The following STAG1 variants were observed in gnomAD, a reference collection of about 807,000 sequenced individuals.
STAG1 encodes the protein STAG1 cohesin complex component.
In STAG1, 26 loss-of-function variants were observed where a neutral mutation model predicts 170.9. The observed-to-expected ratio is 0.15, with a 90% confidence interval of 0.11 to 0.21. STAG1 has a LOEUF of 0.21. STAG1 is among the 10% of genes least tolerant of loss of function. STAG1 has a pLI of 1.00. For missense variants in STAG1, 964 were observed against 1,509.5 expected, an observed-to-expected ratio of 0.64 and a Z score of 5.99; for synonymous variants, 514 against 497.7, an observed-to-expected ratio of 1.03 and a Z score of -0.44.
chr3:136,629,946 G>A (rs899791558), intron 2 of STAG1, among the ~76,000 whole-genome samples: 3 of 151,858 alleles, frequency 2.0e-5, no homozygotes, highest in Non-Finnish European at 4.4e-5. Context: ...ATGTAATCCC[G>A]GCACTTTGGG....
intron 1 of STAG1, among the ~76,000 whole-genome samples, chr3:136,651,951 T>G (rs1941232890): frequency 6.6e-6 from 1 of 152,052 alleles, no homozygotes; most frequent in Non-Finnish European, 1.5e-5. Context: ...TGAAGTCAGG[T>G]GAGTGATTCA....
At chr3:136,561,420 G>A (rs1936836469) in intron 5 of STAG1, among the ~76,000 whole-genome samples, 1 of 152,166 alleles carries the variant, frequency 6.6e-6, no homozygotes, top group South Asian at 2.1e-4. Flanking sequence ...TGATGCACTG[G>A]AAATTTATCC....
At chr3:136,506,101 G>T (rs757353320) in intron 7 of STAG1, among the ~76,000 whole-genome samples, 3 of 152,220 alleles carry the variant, frequency 2.0e-5, no homozygotes, top group African/African-American at 7.2e-5. Flanking sequence ...AGAATGTGGA[G>T]TGATGTGAAA....
At chr3:136,605,864 A>C (rs1938906242) in intron 3 of STAG1, among the ~76,000 whole-genome samples, 1 of 152,180 alleles carries the variant, frequency 6.6e-6, no homozygotes, top group African/African-American at 2.4e-5. Flanking sequence ...CATAGCTTGG[A>C]GGGGCTTCTT....
intron 1 of STAG1, among the ~76,000 whole-genome samples, chr3:136,711,415 G>C (rs950070988): frequency 6.6e-6 from 1 of 152,044 alleles, no homozygotes; most frequent in Non-Finnish European, 1.5e-5. Context: ...TTAAAAATTA[G>C]CCAGGCATGG....
In STAG1 at chr3:136,398,667, C is replaced by T. The variant is rs141267207; in HGVS notation, c.2277+82G>A. The T allele has an allele frequency of 0.015, 9,094 of 622,686 alleles. 630 individuals are homozygous for T. In the East Asian group the frequency reaches 0.21, roughly 14 times the overall value. The allele number at this position is 622,686 out of a possible 1,614,324, so 38.6% of individuals were successfully genotyped here. A position where few individuals can be genotyped will look rare whatever the true frequency, so the allele number is the denominator to read the frequency against. ...TACAATAATTTATATTATACAATAA[C>T]TGATAATAGTAAATTATTAAATAGT... On this transcript the variant is annotated intron_variant, in intron 22 of 33. Transcript: ENST00000383202.
chr3:136,683,098 T>C (rs554923653), intron 1 of STAG1, among the ~76,000 whole-genome samples: 26 of 152,166 alleles, frequency 1.7e-4, no homozygotes, highest in Non-Finnish European at 3.1e-4. Flanking sequence ...GAATGGAGGA[T>C]TGCCAGGGGC....
Position 136,477,451 on chromosome 3 carries a change from C to T in STAG1, c.903-39G>A, listed in dbSNP as rs527687966. 41 of 1,558,662 alleles carry T rather than the reference C, an allele frequency of 2.6e-5. No individual in the cohort carries two copies. The Admixed American group carries it at 6.8e-4, about 26-fold the overall frequency. On this transcript the variant is annotated intron_variant, in intron 9 of 33. Transcript: ENST00000383202. ...AAAAAGACAATCTCAAATTAATATACAAAGCTAGAATGCATTCATACTCGC... is the reference window on the plus strand; with the variant it reads ...AAAAAGACAATCTCAAATTAATATATAAAGCTAGAATGCATTCATACTCGC...
chr3:136,709,126 C>T lies in STAG1; in HGVS notation c.-84+43069G>A, dbSNP rs144292358. 3.3e-3 allele frequency among the ~76,000 whole-genome samples: 503 copies of T among 151,478 alleles called. 8 individuals carry two copies. The East Asian group carries it at 0.049, about 15-fold the overall frequency. The stretch of plus-strand genomic sequence containing the variant: ...CCAACATGGTGAAACCCTGTCTCTG[C>T]TAAAAATAAAAGAATTAGCTGGATG... On this transcript the variant is annotated intron_variant, in intron 1 of 33. Coordinates refer to ENST00000383202, the MANE Select transcript of STAG1 (RefSeq NM_005862.3).
chr3:136,630,060 T>A (rs543706666), intron 2 of STAG1, among the ~76,000 whole-genome samples: 1 of 152,156 alleles, frequency 6.6e-6, no homozygotes, highest in African/African-American at 2.4e-5. Context: ...CCGGGCATGG[T>A]GGCACGTGCC....
At chr3:136,700,249 T>C (rs571315527) in intron 1 of STAG1, among the ~76,000 whole-genome samples, 2 of 149,072 alleles carry the variant, frequency 1.3e-5, no homozygotes, top group South Asian at 2.2e-4. Flanking sequence ...GCTCATGCTA[T>C]CCTCATTCCT....
chr3:136,449,242 T>A (rs1332156747), intron 14 of STAG1, among the ~76,000 whole-genome samples: 4 of 151,988 alleles, frequency 2.6e-5, no homozygotes, highest in Non-Finnish European at 5.9e-5. Flanking sequence ...CAATACTATT[T>A]GCAGTTGCTT....
At chr3:136,751,622 G>A (rs1291947546) in intron 1 of STAG1, among the ~76,000 whole-genome samples, 1 of 151,544 alleles carries the variant, frequency 6.6e-6, no homozygotes, top group Non-Finnish European at 1.5e-5. Flanking sequence ...CCGCCAACAA[G>A]AAGCCTGGGC....
At chr3:136,490,208 T>C (rs562689902) in intron 9 of STAG1, among the ~76,000 whole-genome samples, 2 of 152,188 alleles carry the variant, frequency 1.3e-5, no homozygotes, top group South Asian at 2.1e-4. Context: ...ACCCCTTTTT[T>C]TTTTGTATTA....
At chr3:136,717,180 C>T (rs1024676813) in intron 1 of STAG1, among the ~76,000 whole-genome samples, 2 of 152,188 alleles carry the variant, frequency 1.3e-5, no homozygotes, top group Non-Finnish European at 2.9e-5. Context: ...CAAAAGAAAT[C>T]TACACACACT....
intron 28 of STAG1, among the ~76,000 whole-genome samples, chr3:136,354,355 C>T (rs908163980): frequency 3.3e-5 from 5 of 152,136 alleles, no homozygotes; most frequent in African/African-American, 1.2e-4. Flanking sequence ...TGCAGTGGCA[C>T]GATATTGGCT....
intron 3 of STAG1, among the ~76,000 whole-genome samples, chr3:136,622,153 A>G (rs549357292): frequency 4.0e-5 from 6 of 150,604 alleles, no homozygotes; most frequent in South Asian, 2.1e-4. Flanking sequence ...AAAAAAAAAA[A>G]AAAAAGAAAA....
At chr3:136,652,215 G>T (rs1316488975) in intron 1 of STAG1, among the ~76,000 whole-genome samples, 1 of 152,220 alleles carries the variant, frequency 6.6e-6, no homozygotes, top group Admixed American at 6.5e-5. Flanking sequence ...ATACAATTCT[G>T]AGAGGAGGAA....
chr3:136,720,259 T>C (rs996214676), intron 1 of STAG1, among the ~76,000 whole-genome samples: 3 of 151,330 alleles, frequency 2.0e-5, no homozygotes, highest in Admixed American at 2.0e-4. Context: ...CTGTGTGGAA[T>C]GAACAAAGTA....
Sources: gnomAD v4.1 joint callset for allele counts (sites outside exome capture counted in the v4.1 genomes callset) on GRCh38, gnomAD v4.1.1 for gene constraint, MANE v1.5 for transcripts, NCBI Gene and HGNC (gene_info 2026-07-23, HGNC 2026-07-21) for gene names.